The following SNX29 variants were observed in gnomAD, a reference collection of about 807,000 sequenced individuals.
The protein encoded by SNX29 is sorting nexin-29.
Under a neutral mutation model 102.1 loss-of-function variants are expected in SNX29, and 78 were observed. The observed-to-expected ratio is 0.76, with a 90% confidence interval of 0.64 to 0.92. The LOEUF (loss-of-function observed/expected upper bound fraction) is 0.92, where lower values mean the gene tolerates loss of function less well. SNX29 is among the 40% of genes least tolerant of loss of function. SNX29 has a pLI of 0.00. For synonymous variants in SNX29, 580 were observed against 414.5 expected (o/e 1.40, Z -4.85); for missense variants, 1,280 against 1,061.7 (o/e 1.21, Z -2.86).
At chr16:12,490,649 G>A (rs757375344) in intron 19 of SNX29, among the ~76,000 whole-genome samples, 9 of 152,120 alleles carry the variant, frequency 5.9e-5, no homozygotes, top group East Asian at 1.9e-4. Context: ...GCAGCCATAC[G>A]GTGATGATTT....
rs558229555 is a variant in SNX29, at chr16:12,370,963, G to A, written c.1899+14684G>A. 5.9e-5 allele frequency among the ~76,000 whole-genome samples: 9 copies of A among 152,320 alleles called. No individual in the cohort carries two copies. The East Asian group carries it at 1.5e-3, about 26-fold the overall frequency. On this transcript the variant is annotated intron_variant, in intron 16 of 20. Coordinates refer to ENST00000566228, the MANE Select transcript of SNX29 (RefSeq NM_032167.5). ...GAAATAACCTCTTCTTGAGGGGTGG[G>A]CACCACCTTGGTATTACCTACACCC...
intron 18 of SNX29, among the ~76,000 whole-genome samples, chr16:12,406,659 G>T (rs945006161): frequency 8.5e-5 from 13 of 152,214 alleles, no homozygotes; most frequent in Admixed American, 8.5e-4. Context: ...TATAATCCCA[G>T]CACTTTGGGA....
At chr16:12,178,247 C>T (rs1007727270) in intron 13 of SNX29, among the ~76,000 whole-genome samples, 3 of 152,056 alleles carry the variant, frequency 2.0e-5, no homozygotes, top group Non-Finnish European at 4.4e-5. Context: ...ATGGGTTCCT[C>T]TGGGCTCCCT....
chr16:12,566,529 G>GA (rs2079017508), intron 20 of SNX29, among the ~76,000 whole-genome samples: 2 of 152,350 alleles, frequency 1.3e-5, no homozygotes, highest in South Asian at 4.1e-4. Flanking sequence ...CGCATCTGAA[G>GA]AGCATGACAG....
intron 3 of SNX29, among the ~76,000 whole-genome samples, chr16:12,010,577 C>T (rs2056614525): frequency 1.3e-5 from 2 of 152,258 alleles, no homozygotes; most frequent in Admixed American, 1.3e-4. Context: ...AGTGAGTCAT[C>T]AACCCGCCAT....
intron 19 of SNX29, among the ~76,000 whole-genome samples, chr16:12,485,466 G>T (rs1360392825): frequency 6.6e-6 from 1 of 152,186 alleles, no homozygotes; most frequent in East Asian, 1.9e-4. Flanking sequence ...ACTTGTTGGA[G>T]AAATTATGCA....
At chr16:11,990,094 C>T (rs770785236) in intron 1 of SNX29, among the ~76,000 whole-genome samples, 9 of 152,174 alleles carry the variant, frequency 5.9e-5, no homozygotes, top group Non-Finnish European at 1.3e-4. Context: ...TTCACCAGGG[C>T]GGCCAGCCCC....
At chr16:12,300,658 G>A (rs1027762077) in intron 15 of SNX29, among the ~76,000 whole-genome samples, 3 of 152,170 alleles carry the variant, frequency 2.0e-5, no homozygotes, top group Admixed American at 1.3e-4. Context: ...ATGCATACTT[G>A]TAACCCTGAC....
chr16:12,094,719 C>G (rs976227293), intron 11 of SNX29, among the ~76,000 whole-genome samples: 5 of 152,138 alleles, frequency 3.3e-5, no homozygotes, highest in African/African-American at 1.2e-4. Context: ...GCTGAACGTC[C>G]TGTGGTGGAC....
intron 19 of SNX29, among the ~76,000 whole-genome samples, chr16:12,518,280 G>A (rs1171273150): frequency 6.6e-6 from 1 of 152,158 alleles, no homozygotes; most frequent in Non-Finnish European, 1.5e-5. Flanking sequence ...TTTGTTCACT[G>A]GTCTACGTGG....
At chr16:12,188,002 G>A (rs1395297389) in intron 13 of SNX29, among the ~76,000 whole-genome samples, 1 of 152,162 alleles carries the variant, frequency 6.6e-6, no homozygotes, top group Non-Finnish European at 1.5e-5. Flanking sequence ...GGACTCAGTC[G>A]TTTGATGCCT....
chr16:12,228,313 C>T (rs2077674604), intron 14 of SNX29, among the ~76,000 whole-genome samples: 1 of 152,168 alleles, frequency 6.6e-6, no homozygotes, highest in Non-Finnish European at 1.5e-5. Context: ...GATACTTTTC[C>T]CCAATGATCC....
At chr16:12,200,584 G>C (rs2076889256) in intron 14 of SNX29, among the ~76,000 whole-genome samples, 1 of 152,018 alleles carries the variant, frequency 6.6e-6, no homozygotes, top group South Asian at 2.1e-4. Flanking sequence ...CTGGGTTCAA[G>C]CGATTCTCCT....
chr16:12,049,333 CTTTT>C (rs139469974), intron 7 of SNX29, among the ~76,000 whole-genome samples: 1 of 144,560 alleles, frequency 6.9e-6, no homozygotes, highest in Admixed American at 6.9e-5. Flanking sequence ...AATTTTTTAA[CTTTT>C]TTTTTTTTTT....
intron 14 of SNX29, among the ~76,000 whole-genome samples, chr16:12,204,746 T>G (rs1036989076): frequency 5.3e-5 from 8 of 152,248 alleles, no homozygotes; most frequent in Admixed American, 1.3e-4. Flanking sequence ...GCCTGTCTGG[T>G]GTGTCGTGTC....
Position 12,559,977 on chromosome 16 carries a change from A to C in SNX29, c.2319-8529A>C, listed in dbSNP as rs563362637. 5.9e-5 allele frequency among the ~76,000 whole-genome samples: 9 copies of C among 152,324 alleles called. 1 individual carries two copies. The highest frequency in any genetic ancestry group is 4.1e-4 in the South Asian group (2 of 4,830). ...CTGGGCAACAGAGCAAGACTCCACC[A>C]CGAAAAAAAGATTTTGCAAGCAACT... On this transcript the variant is annotated intron_variant, in intron 20 of 20. Transcript: ENST00000566228.
intron 1 of SNX29, among the ~76,000 whole-genome samples, chr16:11,991,325 A>G (rs976690890): frequency 1.3e-5 from 2 of 152,168 alleles, no homozygotes; most frequent in African/African-American, 4.8e-5. Flanking sequence ...AATGAGAGCA[A>G]AAGGGCCAGA....
chr16:12,004,608 A>G (rs993541332), intron 3 of SNX29, among the ~76,000 whole-genome samples: 2 of 152,136 alleles, frequency 1.3e-5, no homozygotes, highest in African/African-American at 4.8e-5. Flanking sequence ...TGTTCATCTC[A>G]TCCTGGAAAC....
intron 9 of SNX29, among the ~76,000 whole-genome samples, chr16:12,065,535 G>A (rs1224911863): frequency 6.6e-6 from 1 of 152,172 alleles, no homozygotes; most frequent in South Asian, 2.1e-4. Flanking sequence ...CAAGTCTAAA[G>A]TTCTATTTCT....
Sources: allele counts gnomAD v4.1 joint callset (sites outside exome capture counted in the v4.1 genomes callset), GRCh38; gene constraint gnomAD v4.1.1; transcripts MANE v1.5; gene names NCBI Gene and HGNC (gene_info 2026-07-23, HGNC 2026-07-21).